RALGPS1: variants seen among roughly 807,000 people sequenced by gnomAD.
RALGPS1 encodes Ral GEF with PH domain and SH3 binding motif 1.
RALGPS1 carries 19 observed loss-of-function variants against 78.8 expected under a neutral mutation model. The ratio of observed to expected loss-of-function variants is 0.24; its 90% CI spans 0.17 to 0.35. RALGPS1 has a LOEUF of 0.35. Ranked by LOEUF, RALGPS1 falls within the 10% of genes least tolerant of loss-of-function variation. The pLI is 1.00. For synonymous variants in RALGPS1, 228 were observed against 256.3 expected (o/e 0.89, Z 1.06); for missense variants, 454 against 688.3 (o/e 0.66, Z 3.81).
intron 4 of RALGPS1, among the ~76,000 whole-genome samples, chr9:127,026,154 C>T (rs2104650): frequency 0.55 from 83,758 of 151,984 alleles, 23,746 homozygotes; most frequent in African/African-American, 0.67. Flanking sequence ...GGAGACCCAG[C>T]CTGAGTCCCA....
At chr9:126,989,865 A>G in intron 4 of RALGPS1, 1 of 1,549,490 alleles carries the variant, frequency 6.5e-7, no homozygotes, top group Non-Finnish European at 8.7e-7. Flanking sequence ...CTTGACCAGC[A>G]TCTGTTGGGT....
At position 126,935,329 on chromosome 9, in the gene RALGPS1, T is replaced by C. The variant is rs148079150; in HGVS notation, c.-66+20354T>C. 3.2e-3 allele frequency among the ~76,000 whole-genome samples: 482 copies of C among 152,340 alleles called. 1 individual carries two copies. Among genetic ancestry groups the C allele is most frequent in the African/African-American group, 0.011 (439 of 41,574 alleles). On this transcript the variant is annotated intron_variant, in intron 1 of 18. Transcript: ENST00000259351. ...ACTGAAACCAGCATGGAATCTGTTA[T>C]GGCTCCCAGCATCCGTCCCCTTTGT...
chr9:127,106,007 A>G (rs1315376831), intron 8 of RALGPS1, among the ~76,000 whole-genome samples: 1 of 152,270 alleles, frequency 6.6e-6, no homozygotes, highest in Non-Finnish European at 1.5e-5. Flanking sequence ...ATTGAGGCTC[A>G]GAAGAGTTAA....
chr9:127,113,744 C>T (rs1044408205), intron 8 of RALGPS1, among the ~76,000 whole-genome samples: 29 of 152,242 alleles, frequency 1.9e-4, no homozygotes, highest in African/African-American at 6.5e-4. Context: ...GACTGTGCCA[C>T]GTGACAGCCT....
chr9:127,107,803 CT>C, intron 8 of RALGPS1: 1 of 1,158,686 alleles, frequency 8.6e-7, no homozygotes. Context: ...TTGTGCATGT[CT>C]TTGGCCTGGC....
At chr9:127,126,056 G>C (rs373509425) in intron 8 of RALGPS1, among the ~76,000 whole-genome samples, 22 of 152,012 alleles carry the variant, frequency 1.4e-4, no homozygotes, top group Non-Finnish European at 2.4e-4. Context: ...TTGGGAGGGG[G>C]CAGTTTTGCT....
chr9:127,164,033 G>A (rs2059160150), intron 8 of RALGPS1, among the ~76,000 whole-genome samples: 2 of 151,998 alleles, frequency 1.3e-5, no homozygotes, highest in African/African-American at 4.8e-5. Flanking sequence ...ATATGAGTGT[G>A]TGTGTGCATG....
At chr9:127,126,413 T>C (rs2056621743) in intron 8 of RALGPS1, among the ~76,000 whole-genome samples, 1 of 152,236 alleles carries the variant, frequency 6.6e-6, no homozygotes, top group Non-Finnish European at 1.5e-5. Flanking sequence ...ATGTTTTTAC[T>C]AAATTTGGGG....
chr9:127,096,209 T>C (rs2053116810), intron 8 of RALGPS1, among the ~76,000 whole-genome samples: 1 of 152,072 alleles, frequency 6.6e-6, no homozygotes, highest in African/African-American at 2.4e-5. Flanking sequence ...AAAGAGCATT[T>C]GTGAAGGAGA....
chr9:127,130,717 G>T (rs1180802137), intron 8 of RALGPS1, among the ~76,000 whole-genome samples: 1 of 152,202 alleles, frequency 6.6e-6, no homozygotes, highest in African/African-American at 2.4e-5. Context: ...ATGAGCTACG[G>T]TAGATTCTTT....
chr9:127,180,492 G>T (rs1304568988), intron 11 of RALGPS1, among the ~76,000 whole-genome samples: 1 of 152,256 alleles, frequency 6.6e-6, no homozygotes, highest in African/African-American at 2.4e-5. Flanking sequence ...TGGGTCATTG[G>T]TTTGATCCCC....
chr9:126,962,822 C>T (rs1030867819), intron 2 of RALGPS1, among the ~76,000 whole-genome samples: 17 of 152,196 alleles, frequency 1.1e-4, no homozygotes, highest in African/African-American at 4.1e-4. Flanking sequence ...GATTTCCATG[C>T]TCGGTAATGG....
At chr9:126,958,142 A>AAAAAAAAATACAT (rs113413659) in intron 1 of RALGPS1, among the ~76,000 whole-genome samples, 1 of 77,084 alleles carries the variant, frequency 1.3e-5, no homozygotes, top group Non-Finnish European at 2.8e-5. Flanking sequence ...AAAAAAAAAA[A>AAAAAAAAATACAT]ATATATATAT....
intron 8 of RALGPS1, among the ~76,000 whole-genome samples, chr9:127,106,190 T>C (rs1286550343): frequency 6.6e-6 from 1 of 152,144 alleles, no homozygotes; most frequent in African/African-American, 2.4e-5. Context: ...GAGTAACCAT[T>C]GAGTCCAGCC....
chr9:127,165,395 G>A (rs972647234), intron 8 of RALGPS1, among the ~76,000 whole-genome samples: 1 of 152,232 alleles, frequency 6.6e-6, no homozygotes, highest in Admixed American at 6.5e-5. Flanking sequence ...CTTATCACTG[G>A]CCTGTGATGG....
At chr9:127,209,900 ATTG>A (rs2062146572) in intron 14 of RALGPS1, among the ~76,000 whole-genome samples, 1 of 152,190 alleles carries the variant, frequency 6.6e-6, no homozygotes, top group South Asian at 2.1e-4. Flanking sequence ...AGTTGATTAC[ATTG>A]TTGTCTGGCC....
rs540856444 is a variant in RALGPS1, at chr9:127,107,008, A to G, written c.610+37652A>G. 2.0e-5 allele frequency: 3 copies of G among 152,354 alleles called. No homozygotes were observed. The South Asian group carries it at 6.2e-4, about 32-fold the overall frequency. 9.4% of individuals were successfully genotyped at this position (152,354 alleles called of 1,614,324 possible). On this transcript the variant is annotated intron_variant, in intron 8 of 18. Transcript: ENST00000259351. Reference sequence around the variant, plus strand: ...CACTGGGAAGGCTCAGGTGTTCTGGATGAACAAGGGGCTGAGCTTCAGGGG... The same window carrying G: ...CACTGGGAAGGCTCAGGTGTTCTGGGTGAACAAGGGGCTGAGCTTCAGGGG...
At chr9:127,168,638 G>C in intron 9 of RALGPS1, 41 bp from the exon 10 acceptor site, 1 of 1,398,156 alleles carries the variant, frequency 7.2e-7, no homozygotes, top group Non-Finnish European at 1.0e-6. Context: ...GCCTAAAGAT[G>C]GGAGAGCCTA....
chr9:126,927,094 C>CT (rs370269431), intron 1 of RALGPS1, among the ~76,000 whole-genome samples: 24 of 152,276 alleles, frequency 1.6e-4, no homozygotes, highest in African/African-American at 5.8e-4. Flanking sequence ...TTCTCACACT[C>CT]TAGAGCATCA....
Sources: gnomAD v4.1 joint callset for allele counts (sites outside exome capture counted in the v4.1 genomes callset) on GRCh38, gnomAD v4.1.1 for gene constraint, MANE v1.5 for transcripts, NCBI Gene and HGNC (gene_info 2026-07-23, HGNC 2026-07-21) for gene names.